The following CD200 variants were observed in gnomAD, a reference collection of about 807,000 sequenced individuals.
CD200 encodes CD200 molecule.
A neutral mutation model predicts 30.9 loss-of-function variants in CD200; 15 were observed. That is an observed-to-expected ratio of 0.49 (90% CI 0.32 to 0.75). The LOEUF is 0.75. Ranked by LOEUF, CD200 falls within the 30% of genes least tolerant of loss-of-function variation. CD200 has a pLI of 0.03. For missense variants in CD200, 262 were observed against 324.2 expected, an observed-to-expected ratio of 0.81 and a Z score of 1.47; for synonymous variants, 134 against 126.2, an observed-to-expected ratio of 1.06 and a Z score of -0.41.
At chr3:112,348,802 T>G (rs2081465621) in intron 4 of CD200, among the ~76,000 whole-genome samples, 1 of 152,156 alleles carries the variant, frequency 6.6e-6, no homozygotes, top group Admixed American at 6.6e-5. Context: ...ATTTGGATAT[T>G]TGTGAAGAGA....
intron 2 of CD200, among the ~76,000 whole-genome samples, 163 bp downstream of exon 2, chr3:112,341,146 C>T (rs938592298): frequency 1.3e-5 from 2 of 152,148 alleles, no homozygotes; most frequent in Admixed American, 1.3e-4. Context: ...TTCTGCTTTC[C>T]ACACTTTTGT....
At chr3:112,341,422 C>T (rs1033454997) in intron 2 of CD200, among the ~76,000 whole-genome samples, 2 of 152,152 alleles carry the variant, frequency 1.3e-5, no homozygotes, top group African/African-American at 2.4e-5. Context: ...TATATAGGCT[C>T]ATATTATCTA....
rs62264127 is a variant in CD200 at position 112,350,941 on chromosome 3, G to A, written c.802+1122G>A. Among the ~76,000 whole-genome samples, 550 of 152,204 alleles carry A rather than the reference G, an allele frequency of 3.6e-3. 1 individual carries two copies. The highest frequency in any genetic ancestry group is 0.01 in the Middle Eastern group (3 of 294). On this transcript the variant is annotated intron_variant, in intron 5 of 5. Coordinates refer to ENST00000315711, the MANE Select transcript of CD200 (RefSeq NM_005944.7). Reference sequence around the variant, plus strand: ...ACCCAAAAAGCCTTCAGTGTCAGTGGCCCTTTTGCAAAAGTAGGTAAAGGT... The same window carrying A: ...ACCCAAAAAGCCTTCAGTGTCAGTGACCCTTTTGCAAAAGTAGGTAAAGGT...
chr3:112,341,266 G>T (rs1462404928), intron 2 of CD200, among the ~76,000 whole-genome samples: 2 of 152,118 alleles, frequency 1.3e-5, no homozygotes, highest in African/African-American at 2.4e-5. Context: ...TTACTGAATT[G>T]AATTACAAAT....
intron 1 of CD200, among the ~76,000 whole-genome samples, chr3:112,336,788 T>TG (rs2081128031): frequency 6.6e-6 from 1 of 151,936 alleles, no homozygotes; most frequent in Non-Finnish European, 1.5e-5. Context: ...TTGAGGTTCT[T>TG]GGGGGGCAAT....
intron 1 of CD200, chr3:112,333,856 G>T: frequency 1.0e-6 from 1 of 985,406 alleles, no homozygotes; most frequent in Non-Finnish European, 1.2e-6. Context: ...TTAACCCCGG[G>T]TATCTAGAGA....
rs2081741936 is a variant in CD200 at position 112,361,550 on chromosome 3, A to T, written c.810A>T (p.Ter270TyrextTer7). 4 of 1,608,956 alleles carry T rather than the reference A, an allele frequency of 2.5e-6. No individual in the cohort carries two copies. In the East Asian group the frequency reaches 8.9e-5, roughly 36 times the overall value. The change falls in exon 6 of 6, where the codon TAA (stop) becomes TAT (tyrosine). Residue 270 changes from the stop codon to tyrosine, a stop_lost. Coordinates refer to ENST00000315711, the MANE Select transcript of CD200 (RefSeq NM_005944.7). ...KRHRNQDREP[*>Y] ...TGTTTTTCTTTTATCCAGAGCCCTA[A>T]ATAAGTCACACAGCACCCTGAAAGT...
upstream of CD200, chr3:112,332,943 CT>C: frequency 1.9e-6 from 1 of 530,702 alleles, no homozygotes; most frequent in Non-Finnish European, 3.3e-6. Context: ...TTTCCAAACA[CT>C]TTGTCAGTTT....
At chr3:112,350,877 G>A (rs916352727) in intron 5 of CD200, among the ~76,000 whole-genome samples, 2 of 151,602 alleles carry the variant, frequency 1.3e-5, no homozygotes, top group South Asian at 4.2e-4. Flanking sequence ...ACTTTATTTT[G>A]CATAATCCTC....
chr3:112,350,843 T>C (rs1048624329), intron 5 of CD200, among the ~76,000 whole-genome samples: 1 of 152,216 alleles, frequency 6.6e-6, no homozygotes, highest in African/African-American at 2.4e-5. Context: ...TTTATGTTTT[T>C]GTTCATGTTT....
intron 5 of CD200, among the ~76,000 whole-genome samples, chr3:112,358,830 T>TA (rs1320106201): frequency 1.3e-5 from 2 of 152,346 alleles, no homozygotes; most frequent in African/African-American, 4.8e-5. Flanking sequence ...GTTTTAAACT[T>TA]ATCTTACTAT....
At chr3:112,356,346 TTTG>T (rs2081622924) in intron 5 of CD200, among the ~76,000 whole-genome samples, 1 of 35,206 alleles carries the variant, frequency 2.8e-5, no homozygotes, top group Admixed American at 2.2e-4. Flanking sequence ...ATTATGAATT[TTTG>T]TTTTTATTTT....
At chr3:112,349,855 A>G in intron 5 of CD200, 36 bp downstream of exon 5, 1 of 1,560,106 alleles carries the variant, frequency 6.4e-7, no homozygotes, top group Admixed American at 2.0e-5. Flanking sequence ...AATGACATAA[A>G]TTAAATTTGA....
At chr3:112,360,285 G>A (rs967370150) in intron 5 of CD200, among the ~76,000 whole-genome samples, 7 of 151,648 alleles carry the variant, frequency 4.6e-5, no homozygotes, top group Non-Finnish European at 7.4e-5. Context: ...CAGAGATTGC[G>A]CCACTGCACT....
chr3:112,356,722 A>T (rs1046591846), intron 5 of CD200, among the ~76,000 whole-genome samples: 1 of 152,248 alleles, frequency 6.6e-6, no homozygotes, highest in South Asian at 2.1e-4. Context: ...TTTAGCAAGG[A>T]TGATTGCAAA....
rs1309304075 is a variant in CD200, at chr3:112,362,716, T to TAC, written c.*1167_*1168insCA. The TAC allele has an allele frequency of 2.0e-5, 3 of 152,174 alleles. No individual in the cohort carries two copies. The highest frequency in any genetic ancestry group is 7.3e-5 in the African/African-American group (3 of 41,372). 9.4% of individuals were successfully genotyped at this position (152,174 alleles called of 1,614,324 possible). ...TTTTCGCTGTTAAATTGGATATTTATATATATATATAGCAAGATTTTCATG... is the reference window on the plus strand; with the variant it reads ...TTTTCGCTGTTAAATTGGATATTTATACATATATATATAGCAAGATTTTCATG... On this transcript the variant is annotated 3_prime_UTR_variant, in exon 6 of 6. Transcript: ENST00000315711.
At chr3:112,340,843 C>A in intron 1 of CD200, 59 bp from the exon 2 acceptor site, 1 of 1,091,310 alleles carries the variant, frequency 9.2e-7, no homozygotes, top group Non-Finnish European at 1.4e-6. Flanking sequence ...TAGATTGAAG[C>A]TTCCTTGGAT....
chr3:112,333,062 G>C (rs1010207381), upstream of CD200: 1 of 1,129,828 alleles, frequency 8.9e-7, no homozygotes, highest in Non-Finnish European at 1.3e-6. Flanking sequence ...CTGTGAGGGC[G>C]TGGGGAAAAC....
At chr3:112,357,907 A>T (rs956374116) in intron 5 of CD200, among the ~76,000 whole-genome samples, 1 of 152,246 alleles carries the variant, frequency 6.6e-6, no homozygotes, top group Admixed American at 6.5e-5. Flanking sequence ...ACATTGAAAT[A>T]AATGTGAGTT....
Sources: allele counts gnomAD v4.1 joint callset (sites outside exome capture counted in the v4.1 genomes callset), GRCh38; gene constraint gnomAD v4.1.1; transcripts MANE v1.5; gene names NCBI Gene and HGNC (gene_info 2026-07-23, HGNC 2026-07-21).